The following TDRD3 variants were observed in gnomAD, a reference collection of about 807,000 sequenced individuals.
TDRD3 encodes the protein tudor domain containing 3.
A neutral mutation model predicts 86.7 loss-of-function variants in TDRD3; 45 were observed. The observed-to-expected ratio is 0.52, with a 90% CI of 0.41 to 0.67. TDRD3 has a LOEUF of 0.67. Among genes scored for constraint, TDRD3 ranks in the 30% least tolerant of loss-of-function variants. TDRD3 has a pLI of 0.00. For missense variants in TDRD3, 814 were observed against 889.0 expected (o/e 0.92, Z 1.07); for synonymous variants, 298 against 301.7 (o/e 0.99, Z 0.13).
intron 4 of TDRD3, among the ~76,000 whole-genome samples, chr13:60,463,422 T>TG (rs1340074652): frequency 6.8e-6 from 1 of 147,928 alleles, no homozygotes; most frequent in Non-Finnish European, 1.5e-5. Flanking sequence ...AAGAAAACAT[T>TG]GGGGAAATGC....
intron 8 of TDRD3, among the ~76,000 whole-genome samples, chr13:60,504,989 G>T (rs779183104): frequency 5.9e-5 from 9 of 152,172 alleles, no homozygotes; most frequent in Non-Finnish European, 1.3e-4. Context: ...AGGACCCTGG[G>T]TTTCCAGCAC....
intron 8 of TDRD3, among the ~76,000 whole-genome samples, chr13:60,499,459 A>G (rs1366342354): frequency 6.6e-6 from 1 of 152,198 alleles, no homozygotes; most frequent in Non-Finnish European, 1.5e-5. Flanking sequence ...CCAGAAATAT[A>G]CCTTTACTGT....
chr13:60,483,854 CTT>C lies in TDRD3; in HGVS notation c.567+11_567+12del. 6.2e-7 allele frequency: 1 copy of C among 1,610,906 alleles called. No individual in the cohort carries two copies. Among genetic ancestry groups the C allele is most frequent in the Non-Finnish European group, 8.5e-7 (1 of 1,178,664 alleles). On this transcript the variant is annotated intron_variant, in intron 6 of 13. Transcript: ENST00000377881. ...TTTGTGCCTTTTGGACAGGTAATGA[CTT>C]TTGTGTTGGCAGATGAATTTAAATT...
At chr13:60,568,926 GCTA>G (rs1255517186) in intron 13 of TDRD3, among the ~76,000 whole-genome samples, 1 of 152,094 alleles carries the variant, frequency 6.6e-6, no homozygotes, top group Non-Finnish European at 1.5e-5. Flanking sequence ...ATACAAAAAT[GCTA>G]CTATTTCTAT....
At chr13:60,523,560 G>T in intron 10 of TDRD3, among the ~76,000 whole-genome samples, 1 of 146,140 alleles carries the variant, frequency 6.8e-6, no homozygotes. Context: ...TGTCTATTTT[G>T]CAATACATTT....
intron 1 of TDRD3, among the ~76,000 whole-genome samples, chr13:60,416,903 A>G (rs1331247463): frequency 6.6e-6 from 1 of 151,282 alleles, no homozygotes; most frequent in African/African-American, 2.4e-5. Flanking sequence ...TCTTTTTATG[A>G]TATTCTTATC....
intron 5 of TDRD3, among the ~76,000 whole-genome samples, chr13:60,476,859 C>G (rs115826010): frequency 8.2e-4 from 124 of 151,626 alleles, no homozygotes; most frequent in Middle Eastern, 3.4e-3. Context: ...AGTCTGGGTG[C>G]TATTGGCATA....
rs563911726 is a variant in TDRD3, at chr13:60,510,758, A to C, written c.1141+3A>C. 10 of 1,536,818 alleles carry C rather than the reference A, an allele frequency of 6.5e-6. No individual in the cohort carries two copies. The South Asian group carries it at 1.3e-4, about 20-fold the overall frequency. On this transcript the variant is annotated splice_donor_region_variant and intron_variant, in intron 10 of 13. Coordinates refer to ENST00000377881, the MANE Select transcript of TDRD3 (RefSeq NM_001146070.2). The stretch of plus-strand genomic sequence containing the variant: ...AATGGGAACTTTGAATGTGGAAGGT[A>C]AGCTAATTTAAAGTTGATTCCTTTT...
chr13:60,450,741 T>C (rs1955517642), intron 3 of TDRD3, among the ~76,000 whole-genome samples: 1 of 152,130 alleles, frequency 6.6e-6, no homozygotes, highest in Non-Finnish European at 1.5e-5. Context: ...TAATGAGAGA[T>C]TGAGAAACCA....
At chr13:60,434,882 C>G (rs17188443) in intron 1 of TDRD3, among the ~76,000 whole-genome samples, 22,729 of 152,108 alleles carry the variant, frequency 0.15, 2,128 homozygotes, top group South Asian at 0.28. Context: ...GTGCCTGCTC[C>G]ACTTTTCAGT....
chr13:60,539,314 T>G (rs889226444), intron 12 of TDRD3, among the ~76,000 whole-genome samples: 3 of 152,100 alleles, frequency 2.0e-5, no homozygotes, highest in Non-Finnish European at 2.9e-5. Flanking sequence ...AAGTCATAGT[T>G]TTTATTATAT....
At chr13:60,403,439 T>C (rs1845130784) in intron 1 of TDRD3, among the ~76,000 whole-genome samples, 1 of 152,244 alleles carries the variant, frequency 6.6e-6, no homozygotes, top group African/African-American at 2.4e-5. Context: ...ATTCATTCTT[T>C]CTGAAAGGTC....
chr13:60,490,302 C>T (rs1956557777), intron 7 of TDRD3, among the ~76,000 whole-genome samples: 1 of 151,996 alleles, frequency 6.6e-6, no homozygotes, highest in South Asian at 2.1e-4. Flanking sequence ...TGAGCCAAGA[C>T]TTGAAGGAGG....
chr13:60,477,307 T>G (rs1052035266), intron 5 of TDRD3, among the ~76,000 whole-genome samples: 1 of 152,000 alleles, frequency 6.6e-6, no homozygotes, highest in Middle Eastern at 3.4e-3. Flanking sequence ...CTTGAACTCC[T>G]GGGTTCAAGG....
chr13:60,564,040 G>T (rs1215424198), intron 12 of TDRD3, among the ~76,000 whole-genome samples: 1 of 152,138 alleles, frequency 6.6e-6, no homozygotes. Context: ...GATTATTGCG[G>T]TTTTGTATCT....
At chr13:60,499,011 C>T (rs962518554) in intron 8 of TDRD3, among the ~76,000 whole-genome samples, 1 of 152,164 alleles carries the variant, frequency 6.6e-6, no homozygotes, top group Non-Finnish European at 1.5e-5. Flanking sequence ...ACATACTTAG[C>T]AGCTGGCAGA....
In TDRD3 at chr13:60,443,019, A is replaced by G. The variant is rs1955316735; in HGVS notation, c.127-1664A>G. Among the ~76,000 whole-genome samples, 2 of 152,036 alleles carry G rather than the reference A, an allele frequency of 1.3e-5. 1 individual carries two copies. Among genetic ancestry groups the G allele is most frequent in the Non-Finnish European group, 2.9e-5 (2 of 67,926 alleles). ...TTCTGTTTCTCATTCATATTTAAATATTTCAGCTTTTGGGTGACTTCAAAA... is the reference window on the plus strand; with the variant it reads ...TTCTGTTTCTCATTCATATTTAAATGTTTCAGCTTTTGGGTGACTTCAAAA... On this transcript the variant is annotated intron_variant, in intron 2 of 13. Transcript: ENST00000377881.
intron 2 of TDRD3, among the ~76,000 whole-genome samples, chr13:60,441,945 T>C (rs1955285263): frequency 6.6e-6 from 1 of 152,330 alleles, no homozygotes; most frequent in Non-Finnish European, 1.5e-5. Flanking sequence ...ATTGTTTATA[T>C]GAATAATCCA....
chr13:60,459,340 A>G (rs1385056294), intron 3 of TDRD3, among the ~76,000 whole-genome samples: 2 of 152,202 alleles, frequency 1.3e-5, no homozygotes, highest in African/African-American at 2.4e-5. Flanking sequence ...CACTTTAGTT[A>G]AATTTACTTT....
Sources: allele counts gnomAD v4.1 joint callset (sites outside exome capture counted in the v4.1 genomes callset), GRCh38; gene constraint gnomAD v4.1.1; transcripts MANE v1.5; gene names NCBI Gene and HGNC (gene_info 2026-07-23, HGNC 2026-07-21).